Variants in SERPINB13 observed in about 807,000 individuals in gnomAD.
SERPINB13 encodes serpin family B member 13.
Under a neutral mutation model 31.2 loss-of-function variants are expected in SERPINB13, and 26 were observed. The ratio of observed to expected loss-of-function variants is 0.83; its 90% confidence interval spans 0.61 to 1.15. SERPINB13 has a LOEUF of 1.15. Among genes scored for constraint, SERPINB13 ranks in the 50% most tolerant of loss-of-function variants. SERPINB13 has a pLI of 0.00. For synonymous variants in SERPINB13, 191 were observed against 172.4 expected, an observed-to-expected ratio of 1.11 and a Z score of -0.85; for missense variants, 510 against 469.4, an observed-to-expected ratio of 1.09 and a Z score of -0.80.
At chr18:63,595,263 GC>G in intron 7 of SERPINB13, 79 bp downstream of exon 7, 3 of 1,416,566 alleles carry the variant, frequency 2.1e-6, no homozygotes, top group Non-Finnish European at 2.9e-6. Flanking sequence ...GGAGCTGGTG[GC>G]CAGCAGTGTC....
chr18:63,591,490 G>T (rs1325706998), intron 3 of SERPINB13, among the ~76,000 whole-genome samples: 3 of 148,922 alleles, frequency 2.0e-5, no homozygotes, highest in Non-Finnish European at 4.4e-5. Context: ...ATGCAAAAAT[G>T]GCCTTTTTAA....
chr18:63,595,988 T>C (rs1439934905), intron 7 of SERPINB13, among the ~76,000 whole-genome samples: 3 of 151,192 alleles, frequency 2.0e-5, no homozygotes, highest in African/African-American at 7.3e-5. Context: ...ATGAGGAGAG[T>C]TTTGTTTCAA....
At position 63,597,001 on chromosome 18, in the gene SERPINB13, A is replaced by G. The variant is rs762905896; in HGVS notation, c.814A>G (p.Ser272Gly). The G allele has an allele frequency of 6.2e-7, 1 of 1,614,130 alleles. No individual in the cohort carries two copies. The highest frequency in any genetic ancestry group is 8.5e-7 in the Non-Finnish European group (1 of 1,179,964). ...ISPEKLVEWT[S>G]PGHMEERKVN... ...TCCTGAGAAATTGGTAGAGTGGACT[A>G]GTCCAGGGCATATGGAAGAAAGAAA... is the stretch of plus-strand genomic sequence containing the variant. Residue 272 changes from serine to glycine, a missense_variant, in exon 8 of 8, where the codon AGT (serine) becomes GGT (glycine). Physicochemically the swap from Ser to Gly is moderately conservative, Grantham distance 56. Transcript: ENST00000344731.
intron 7 of SERPINB13, 79 bp from the exon 8 acceptor site, chr18:63,596,880 A>G (rs1176677711): frequency 1.2e-5 from 14 of 1,173,956 alleles, no homozygotes; most frequent in Non-Finnish European, 3.6e-6. Context: ...ATAACTTCTG[A>G]CTGACACAAA....
chr18:63,597,932 A>G lies in SERPINB13; in HGVS notation c.*569A>G, dbSNP rs1217631447. ...TGCCCGTATTTTCATCTTCCATTCT[A>G]ACATTATCCATTGTTAGATGCATAA... is the stretch of plus-strand genomic sequence containing the variant. On this transcript the variant is annotated 3_prime_UTR_variant, in exon 8 of 8. Coordinates refer to ENST00000344731, the MANE Select transcript of SERPINB13 (RefSeq NM_012397.4). The G allele has an allele frequency of 6.5e-6, 1 of 152,750 alleles. No individual in the cohort carries two copies. Among genetic ancestry groups the G allele is most frequent in the Non-Finnish European group, 1.5e-5 (1 of 68,422 alleles). The allele number at this position is 152,750 out of a possible 1,614,324, so 9.5% of individuals were successfully genotyped here.
In SERPINB13 at chr18:63,596,940, C is replaced by G. The variant is rs1555679695; in HGVS notation, c.772-19C>G. ...TTATTGATAATCATGCCATTCTACT[C>G]TTCTTTTTTTGAAAATAGATAATAG... is the stretch of plus-strand genomic sequence containing the variant. On this transcript the variant is annotated intron_variant, in intron 7 of 7. Transcript: ENST00000344731. 2 of 1,572,360 alleles carry G rather than the reference C, an allele frequency of 1.3e-6. No homozygotes were observed. Among genetic ancestry groups the G allele is most frequent in the Admixed American group, 1.8e-5 (1 of 55,296 alleles).
chr18:63,594,219 T>C (rs757705436), intron 5 of SERPINB13, 136 bp from the exon 6 acceptor site: 5 of 1,543,376 alleles, frequency 3.2e-6, no homozygotes, highest in Non-Finnish European at 4.4e-6. Flanking sequence ...CAGCAAACCC[T>C]TTGTCAGCAA....
At position 63,597,261 on chromosome 18, in the gene SERPINB13, C is replaced by T. The variant is rs759045895; in HGVS notation, c.1074C>T (p.Ala358=). ...ATGIGFTVTS[A]PGHENVHCNH... is the part of the protein sequence containing the mutation. ...GCATAGGCTTTACTGTCACATCCGC[C>T]CCAGGTCATGAAAATGTTCACTGCA... is the stretch of plus-strand genomic sequence containing the variant. The change falls in exon 8 of 8, where the codon GCC becomes GCT. Residue 358 remains alanine (A), a synonymous_variant. Coordinates refer to ENST00000344731, the MANE Select transcript of SERPINB13 (RefSeq NM_012397.4). The T allele has an allele frequency of 1.4e-5, 22 of 1,614,038 alleles. No individual in the cohort carries two copies. In the South Asian group the frequency reaches 2.3e-4, roughly 17 times the overall value.
chr18:63,597,477 C>A lies in SERPINB13; in HGVS notation c.*114C>A. ...ATGTTGTCTCACTTGCATTTCCAGT[C>A]TTGGCCATCAAATCAATGATTTAAT... On this transcript the variant is annotated 3_prime_UTR_variant, in exon 8 of 8. Coordinates refer to ENST00000344731, the MANE Select transcript of SERPINB13 (RefSeq NM_012397.4). 1 of 1,134,836 alleles carries A rather than the reference C, an allele frequency of 8.8e-7. No homozygotes were observed. The highest frequency in any genetic ancestry group is 1.2e-6 in the Non-Finnish European group (1 of 801,784). The allele number at this position is 1,134,836 out of a possible 1,614,324, so 70.3% of individuals were successfully genotyped here. A position where few individuals can be genotyped will look rare whatever the true frequency, so the allele number is the denominator to read the frequency against.
At position 63,597,571 on chromosome 18, in the gene SERPINB13, A is replaced by G. The variant is rs1411065466; in HGVS notation, c.*208A>G. ...ATGTCCTTTTCTTTGTGCCATGCGT[A>G]AGGTGAGTCAAACCAAACCTCATTG... On this transcript the variant is annotated 3_prime_UTR_variant, in exon 8 of 8. Transcript: ENST00000344731. 7.2e-6 allele frequency: 4 copies of G among 554,618 alleles called. No homozygotes were observed. Among genetic ancestry groups the G allele is most frequent in the Non-Finnish European group, 9.4e-6 (3 of 320,542 alleles). The allele number at this position is 554,618 out of a possible 1,614,324, so 34.4% of individuals were successfully genotyped here.
Position 63,592,845 on chromosome 18 carries a change from C to A in SERPINB13, c.355-9C>A. The A allele has an allele frequency of 6.6e-7, 1 of 1,508,720 alleles. No individual in the cohort carries two copies. Among genetic ancestry groups the A allele is most frequent in the Non-Finnish European group, 9.1e-7 (1 of 1,099,746 alleles). The allele number at this position is 1,508,720 out of a possible 1,614,324, so 93.5% of individuals were successfully genotyped here. A position where few individuals can be genotyped will look rare whatever the true frequency, so the allele number is the denominator to read the frequency against. On this transcript the variant is annotated splice_polypyrimidine_tract_variant and intron_variant, in intron 4 of 7. Coordinates refer to ENST00000344731, the MANE Select transcript of SERPINB13 (RefSeq NM_012397.4). ...ACCTCTTTTTATTCCTTCCTTGTTT[C>A]TCCTAAAGAAATACTTAGATTATGT...
chr18:63,589,836 G>T, intron 3 of SERPINB13, 121 bp downstream of exon 3: 1 of 1,545,186 alleles, frequency 6.5e-7, no homozygotes, highest in South Asian at 1.2e-5. Flanking sequence ...AAGCAATATT[G>T]TTGCTTTACT....
intron 3 of SERPINB13, among the ~76,000 whole-genome samples, chr18:63,591,719 A>G (rs1911865036): frequency 6.6e-6 from 1 of 151,966 alleles, no homozygotes; most frequent in African/African-American, 2.4e-5. Context: ...TGTATCTTAT[A>G]TATTAATATG....
At chr18:63,589,792 G>A (rs760735325) in intron 3 of SERPINB13, 77 bp downstream of exon 3, 1 of 1,606,846 alleles carries the variant, frequency 6.2e-7, no homozygotes, top group East Asian at 2.2e-5. Flanking sequence ...TTTAGGTGTG[G>A]GGTCTCTGGG....
chr18:63,597,389 C>A lies in SERPINB13; in HGVS notation c.*26C>A. 6.4e-7 allele frequency: 1 copy of A among 1,572,280 alleles called. No homozygotes were observed. The highest frequency in any genetic ancestry group is 8.6e-7 in the Non-Finnish European group (1 of 1,158,750). On this transcript the variant is annotated 3_prime_UTR_variant, in exon 8 of 8. Coordinates refer to ENST00000344731, the MANE Select transcript of SERPINB13 (RefSeq NM_012397.4). Reference sequence around the variant, plus strand: ...GATGATCGTTGCCATGGCATTGCTGCTTTTAGCAAAAAACAACTACCAGTG... The same window carrying A: ...GATGATCGTTGCCATGGCATTGCTGATTTTAGCAAAAAACAACTACCAGTG...
In SERPINB13 at chr18:63,592,988, T is replaced by A. The variant is rs558591094; in HGVS notation, c.472+17T>A. ...AAACAAATGGTAGAGTATGGGTGGGTCATTCATTGCAAAAAAACAAAAACA... is the reference window on the plus strand; with the variant it reads ...AAACAAATGGTAGAGTATGGGTGGGACATTCATTGCAAAAAAACAAAAACA... On this transcript the variant is annotated intron_variant, in intron 5 of 7. Transcript: ENST00000344731. 1.7e-4 allele frequency: 253 copies of A among 1,447,614 alleles called. 1 individual carries two copies. In the South Asian group the frequency reaches 2.8e-3, roughly 16 times the overall value. The allele number at this position is 1,447,614 out of a possible 1,614,324, so 89.7% of individuals were successfully genotyped here.
At chr18:63,591,181 G>A (rs910711970) in intron 3 of SERPINB13, among the ~76,000 whole-genome samples, 1 of 151,920 alleles carries the variant, frequency 6.6e-6, no homozygotes, top group African/African-American at 2.4e-5. Flanking sequence ...TGGATTAGGT[G>A]TTCATTATTC....
At position 63,598,916 on chromosome 18, in the gene SERPINB13, A is replaced by C. The variant is rs1383627089; in HGVS notation, c.*1553A>C. On this transcript the variant is annotated 3_prime_UTR_variant, in exon 8 of 8. Transcript: ENST00000344731. ...CTTCAAATCCTCACCAACATCCAGG[A>C]TTGTGTCTTTATGATTATAGCCATT... 3.3e-5 allele frequency: 5 copies of C among 152,096 alleles called. No individual in the cohort carries two copies. Among genetic ancestry groups the C allele is most frequent in the African/African-American group, 1.2e-4 (5 of 41,410 alleles). 9.4% of individuals were successfully genotyped at this position (152,096 alleles called of 1,614,324 possible). A position where few individuals can be genotyped will look rare whatever the true frequency, so the allele number is the denominator to read the frequency against.
At chr18:63,591,124 C>G (rs988292568) in intron 3 of SERPINB13, among the ~76,000 whole-genome samples, 5 of 152,152 alleles carry the variant, frequency 3.3e-5, no homozygotes, top group Admixed American at 3.3e-4. Context: ...TAACACCTTC[C>G]TTGAGCACGC....
Sources: gnomAD v4.1 joint callset for allele counts (sites outside exome capture counted in the v4.1 genomes callset) on GRCh38, gnomAD v4.1.1 for gene constraint, MANE v1.5 for transcripts, NCBI Gene and HGNC (gene_info 2026-07-23, HGNC 2026-07-21) for gene names.